ATP8A2: variants seen among roughly 807,000 people sequenced by gnomAD.
ATP8A2 encodes ATPase phospholipid transporting 8A2.
ATP8A2 carries 100 observed loss-of-function variants against 165.6 expected under a neutral mutation model. That is an observed-to-expected ratio of 0.60 (90% confidence interval 0.51 to 0.71). ATP8A2 has a LOEUF of 0.71. Among genes scored for constraint, ATP8A2 ranks in the 30% least tolerant of loss-of-function variants. ATP8A2 has a pLI of 0.00. For synonymous variants in ATP8A2, 543 were observed against 548.8 expected, an observed-to-expected ratio of 0.99 and a Z score of 0.15; for missense variants, 1,227 against 1,479.5, an observed-to-expected ratio of 0.83 and a Z score of 2.80.
At chr13:25,736,594 A>G (rs1460616019) in intron 25 of ATP8A2, among the ~76,000 whole-genome samples, 1 of 152,218 alleles carries the variant, frequency 6.6e-6, no homozygotes, top group Non-Finnish European at 1.5e-5. Context: ...GGATCATTTC[A>G]TAAATATTTT....
At chr13:25,689,244 A>G (rs1343075169) in intron 24 of ATP8A2, among the ~76,000 whole-genome samples, 1 of 152,252 alleles carries the variant, frequency 6.6e-6, no homozygotes, top group Non-Finnish European at 1.5e-5. Flanking sequence ...CTTAAAGCAG[A>G]TAAGTAGTTC....
At position 25,794,643 on chromosome 13, in the gene ATP8A2, A is replaced by G. The variant is rs545350426; in HGVS notation, c.2679+19684A>G. On this transcript the variant is annotated intron_variant, in intron 27 of 36. Coordinates refer to ENST00000381655, the MANE Select transcript of ATP8A2 (RefSeq NM_016529.6). ...GGGTGCGCAGTTATCAAAACTCACA[A>G]CTGTACATTAAAAAGGATGAATAAT... Among the ~76,000 whole-genome samples the G allele has an allele frequency of 1.1e-4, 17 of 152,236 alleles. No homozygotes were observed. The South Asian group carries it at 3.3e-3, about 30-fold the overall frequency.
In ATP8A2 at chr13:25,896,148, C is replaced by G. The variant is rs138395740; in HGVS notation, c.3183+33740C>G. Among the ~76,000 whole-genome samples the G allele has an allele frequency of 9.4e-3, 1,436 of 152,184 alleles. 20 individuals are homozygous for G. Among genetic ancestry groups the G allele is most frequent in the African/African-American group, 0.033 (1,389 of 41,530 alleles). On this transcript the variant is annotated intron_variant, in intron 33 of 36. Coordinates refer to ENST00000381655, the MANE Select transcript of ATP8A2 (RefSeq NM_016529.6). Reference sequence around the variant, plus strand: ...TTAGGGTGTCAATTTTAGATCTTTCCTGCTTTCTCTTGTGGGCATTTAGTG... The same window carrying G: ...TTAGGGTGTCAATTTTAGATCTTTCGTGCTTTCTCTTGTGGGCATTTAGTG...
intron 35 of ATP8A2, among the ~76,000 whole-genome samples, chr13:25,969,456 A>C (rs371362076): frequency 6.6e-6 from 1 of 152,244 alleles, no homozygotes; most frequent in Non-Finnish European, 1.5e-5. Flanking sequence ...CAGCTCTCCT[A>C]TAAATGCTTA....
In ATP8A2 at chr13:25,794,820, T is replaced by TACACACACACACACAC. The variant is rs3053488; in HGVS notation, c.2679+19886_2679+19901dup. Among the ~76,000 whole-genome samples, 1,277 of 139,548 alleles carry TACACACACACACACAC rather than the reference T, an allele frequency of 9.2e-3. 9 individuals are homozygous for TACACACACACACACAC. The highest frequency in any genetic ancestry group is 9.7e-3 in the Non-Finnish European group (630 of 64,752). 91.5% of individuals were successfully genotyped at this position (139,548 alleles called of 152,430 possible). On this transcript the variant is annotated intron_variant, in intron 27 of 36. Coordinates refer to ENST00000381655, the MANE Select transcript of ATP8A2 (RefSeq NM_016529.6). ...TTCTGCCCCAACGCATTCCCTCTCC[T>TACACACACACACACAC]ACACACACACACACACACACACACA...
intron 33 of ATP8A2, among the ~76,000 whole-genome samples, chr13:25,937,365 T>TCTTTC (rs71080214): frequency 2.5e-5 from 3 of 118,760 alleles, no homozygotes; most frequent in African/African-American, 3.2e-5. Flanking sequence ...TTTCTTTCTT[T>TCTTTC]TTTTTTTTTT....
intron 24 of ATP8A2, among the ~76,000 whole-genome samples, chr13:25,609,534 G>GGGATTCAAATATATATATATTT (rs2040604986): frequency 9.5e-5 from 4 of 42,218 alleles, no homozygotes; most frequent in Admixed American, 3.1e-4. Flanking sequence ...ATATATATTT[G>GGGATTCAAATATATATATATTT]GGATTCAAAT....
At chr13:25,683,208 A>G (rs950559419) in intron 24 of ATP8A2, among the ~76,000 whole-genome samples, 2 of 152,192 alleles carry the variant, frequency 1.3e-5, no homozygotes, top group Non-Finnish European at 2.9e-5. Flanking sequence ...GCCTCACGTT[A>G]GCACATTGCC....
At chr13:25,663,962 A>G (rs1422741259) in intron 24 of ATP8A2, among the ~76,000 whole-genome samples, 3 of 152,030 alleles carry the variant, frequency 2.0e-5, no homozygotes, top group Non-Finnish European at 4.4e-5. Context: ...TAATCCCAGC[A>G]CTTTGGGAGG....
At chr13:25,650,857 G>C (rs1353205933) in intron 24 of ATP8A2, among the ~76,000 whole-genome samples, 4 of 152,042 alleles carry the variant, frequency 2.6e-5, no homozygotes, top group African/African-American at 9.7e-5. Context: ...GTCATGATGT[G>C]TTACTTTTTA....
chr13:25,731,933 A>G (rs1211096708), intron 25 of ATP8A2, among the ~76,000 whole-genome samples: 1 of 152,200 alleles, frequency 6.6e-6, no homozygotes. Context: ...TTTGAAGATG[A>G]TAAATGGAAA....
intron 33 of ATP8A2, among the ~76,000 whole-genome samples, chr13:25,959,681 C>T (rs963847078): frequency 5.9e-5 from 9 of 152,172 alleles, no homozygotes; most frequent in Admixed American, 2.0e-4. Context: ...CAGTAGAATA[C>T]GACATCTCTG....
chr13:25,372,627 C>G lies in ATP8A2; in HGVS notation c.76+339C>G, dbSNP rs1482845019. ...CGCGGATGCGGCTCAGGGATGCGAC[C>G]TAGGCGGCAGTCACCGCGATGGTGG... is the stretch of plus-strand genomic sequence containing the variant. On this transcript the variant is annotated intron_variant, in intron 1 of 36. Coordinates refer to ENST00000381655, the MANE Select transcript of ATP8A2 (RefSeq NM_016529.6). The surrounding 1 kb of genome is among the most constrained non-coding windows in gnomAD (Gnocchi z 4.8). Among the ~76,000 whole-genome samples the G allele has an allele frequency of 6.6e-6, 1 of 152,190 alleles. No individual in the cohort carries two copies. Among genetic ancestry groups the G allele is most frequent in the Non-Finnish European group, 1.5e-5 (1 of 68,024 alleles).
intron 1 of ATP8A2, among the ~76,000 whole-genome samples, chr13:25,448,070 G>T (rs2035117012): frequency 6.6e-6 from 1 of 152,172 alleles, no homozygotes; most frequent in Non-Finnish European, 1.5e-5. Flanking sequence ...TGACATTTGG[G>T]CTGGAAAACG....
At chr13:25,922,736 C>G (rs919643612) in intron 33 of ATP8A2, among the ~76,000 whole-genome samples, 1 of 152,194 alleles carries the variant, frequency 6.6e-6, no homozygotes, top group African/African-American at 2.4e-5. Flanking sequence ...TCCAGATATC[C>G]TACACAGGGG....
At chr13:25,435,599 C>A (rs1323457992) in intron 1 of ATP8A2, among the ~76,000 whole-genome samples, 1 of 152,084 alleles carries the variant, frequency 6.6e-6, no homozygotes, top group Non-Finnish European at 1.5e-5. Context: ...GAATTGATGG[C>A]ATAAGTTACT....
intron 24 of ATP8A2, among the ~76,000 whole-genome samples, chr13:25,630,682 T>C (rs967861407): frequency 1.3e-5 from 2 of 152,210 alleles, no homozygotes; most frequent in Non-Finnish European, 2.9e-5. Context: ...CTTATGTTGA[T>C]ACATGTAAAA....
chr13:25,480,965 G>C lies in ATP8A2; in HGVS notation c.221+11844G>C, dbSNP rs1054970802. ...GGTTAGGAGCTGGAGACCAGCCCGG[G>C]CAACACAGCGAAACCCCGTCTCCAC... On this transcript the variant is annotated intron_variant, in intron 2 of 36. Coordinates refer to ENST00000381655, the MANE Select transcript of ATP8A2 (RefSeq NM_016529.6). 5.3e-3 allele frequency among the ~76,000 whole-genome samples: 813 copies of C among 152,260 alleles called. 6 individuals are homozygous for C. The highest frequency in any genetic ancestry group is 0.019 in the African/African-American group (791 of 41,538).
chr13:25,774,786 C>A, intron 26 of ATP8A2, 63 bp from the exon 27 acceptor site: 1 of 932,900 alleles, frequency 1.1e-6, no homozygotes, highest in Non-Finnish European at 1.7e-6. Flanking sequence ...TAAGGACATT[C>A]TGTTTGTGAC....
Sources: allele counts gnomAD v4.1 joint callset (sites outside exome capture counted in the v4.1 genomes callset), GRCh38; gene constraint gnomAD v4.1.1; non-coding constraint Gnocchi (gnomAD v3.1); transcripts MANE v1.5; gene names NCBI Gene and HGNC (gene_info 2026-07-23, HGNC 2026-07-21).